Variants in FAM210A observed in about 807,000 individuals in gnomAD.
FAM210A encodes the protein family with sequence similarity 210 member A.
FAM210A carries 13 observed loss-of-function variants against 25.3 expected under a neutral mutation model. The ratio of observed to expected loss-of-function variants is 0.51; its 90% CI spans 0.33 to 0.82. The LOEUF is 0.82. FAM210A is among the 40% of genes least tolerant of loss of function. The pLI, the probability that FAM210A is intolerant of heterozygous loss-of-function variation, is 0.02. For synonymous variants in FAM210A, 125 were observed against 118.7 expected, an observed-to-expected ratio of 1.05 and a Z score of -0.35; for missense variants, 319 against 323.2, an observed-to-expected ratio of 0.99 and a Z score of 0.10.
chr18:13,689,872 T>A (rs1601952442), intron 1 of FAM210A, among the ~76,000 whole-genome samples: 1 of 152,024 alleles, frequency 6.6e-6, no homozygotes, highest in South Asian at 2.1e-4. Context: ...AGAAGACGGG[T>A]GATTTCTGCA....
At chr18:13,720,221 G>T (rs2043888040) in intron 1 of FAM210A, among the ~76,000 whole-genome samples, 1 of 152,126 alleles carries the variant, frequency 6.6e-6, no homozygotes, top group African/African-American at 2.4e-5. Flanking sequence ...CCTGCAAAAG[G>T]TTCCTAACAG....
intron 1 of FAM210A, among the ~76,000 whole-genome samples, chr18:13,713,725 A>AAACACACACACAC (rs1555791549): frequency 7.0e-6 from 1 of 141,898 alleles, no homozygotes; most frequent in East Asian, 2.1e-4. Flanking sequence ...GTCACTATAA[A>AAACACACACACAC]ACACACACAC....
At position 13,692,531 on chromosome 18, in the gene FAM210A, G is replaced by C. The variant is rs1399962788; in HGVS notation, c.-28-10426C>G. Among the ~76,000 whole-genome samples the C allele has an allele frequency of 2.6e-5, 4 of 152,274 alleles. No homozygotes were observed. The East Asian group carries it at 7.7e-4, about 29-fold the overall frequency. ...AAAGCACTCCTCAGCAAATGTAAAA[G>C]AACAGAAATTATAACAAACTGTCTC... On this transcript the variant is annotated intron_variant, in intron 1 of 3. Coordinates refer to ENST00000651643, the MANE Select transcript of FAM210A (RefSeq NM_152352.4).
chr18:13,694,656 C>T (rs367697899), intron 1 of FAM210A, among the ~76,000 whole-genome samples: 2 of 152,192 alleles, frequency 1.3e-5, no homozygotes, highest in Non-Finnish European at 2.9e-5. Context: ...GGAAAACTGG[C>T]TAGCCATATG....
chr18:13,685,617 T>C (rs533706006), intron 1 of FAM210A, among the ~76,000 whole-genome samples: 4 of 152,336 alleles, frequency 2.6e-5, no homozygotes, highest in African/African-American at 7.2e-5. Context: ...ATGACCCATA[T>C]GCCCCCACTT....
At chr18:13,692,785 G>A (rs917398331) in intron 1 of FAM210A, among the ~76,000 whole-genome samples, 3 of 152,182 alleles carry the variant, frequency 2.0e-5, no homozygotes, top group African/African-American at 7.2e-5. Context: ...ATGCCCACAA[G>A]AGAAAGCAGG....
intron 2 of FAM210A, among the ~76,000 whole-genome samples, chr18:13,672,189 C>T (rs755135032): frequency 5.3e-5 from 8 of 152,222 alleles, no homozygotes; most frequent in East Asian, 1.9e-4. Context: ...GGTATCTTAT[C>T]GCCTACAACT....
At position 13,666,501 on chromosome 18, in the gene FAM210A, G is replaced by A. The variant is rs377031591; in HGVS notation, c.798C>T (p.Ser266=). 79 of 1,613,344 alleles carry A rather than the reference G, an allele frequency of 4.9e-5. No homozygotes were observed. Among genetic ancestry groups the A allele is most frequent in the Non-Finnish European group, 6.3e-5 (74 of 1,179,772 alleles). ...EKLQETKEKV[S]FKKKVE ...CACCTTATTCCACTTTTTTCTTAAA[G>A]GAAACTTTTTCTTTGGTTTCTTGTA... is the stretch of plus-strand genomic sequence containing the variant. The change falls in exon 4 of 4, where the codon TCC becomes TCT. Residue 266 remains serine, a synonymous_variant. Transcript: ENST00000651643.
chr18:13,687,570 T>G (rs1399878004), intron 1 of FAM210A, among the ~76,000 whole-genome samples: 1 of 152,158 alleles, frequency 6.6e-6, no homozygotes, highest in Admixed American at 6.5e-5. Flanking sequence ...AAGCCTCAGA[T>G]GGACGTGCAT....
At chr18:13,682,887 T>C (rs1372692687) in intron 1 of FAM210A, among the ~76,000 whole-genome samples, 1 of 151,982 alleles carries the variant, frequency 6.6e-6, no homozygotes, top group Non-Finnish European at 1.5e-5. Flanking sequence ...AATAAAATAA[T>C]AAAAATCTCA....
At chr18:13,683,331 C>G (rs994093079) in intron 1 of FAM210A, among the ~76,000 whole-genome samples, 1 of 152,096 alleles carries the variant, frequency 6.6e-6, no homozygotes, top group Non-Finnish European at 1.5e-5. Flanking sequence ...CTTCCCCACC[C>G]CCATATCAAT....
intron 1 of FAM210A, among the ~76,000 whole-genome samples, chr18:13,716,986 C>T (rs558339621): frequency 6.6e-6 from 1 of 152,222 alleles, no homozygotes. Context: ...TGAACTGAGG[C>T]ACTGGAGTGT....
intron 1 of FAM210A, among the ~76,000 whole-genome samples, chr18:13,703,754 C>T (rs1364912074): frequency 6.6e-6 from 1 of 152,100 alleles, no homozygotes. Context: ...TAAAGAAAAA[C>T]AAGCACTTAA....
chr18:13,687,758 T>C (rs1240045145), intron 1 of FAM210A: 2 of 152,250 alleles, frequency 1.3e-5, no homozygotes, highest in East Asian at 1.9e-4. Context: ...ACATGCCCGC[T>C]TGGGTCTTTC....
chr18:13,705,654 T>C (rs1274192146), intron 1 of FAM210A, among the ~76,000 whole-genome samples: 1 of 152,110 alleles, frequency 6.6e-6, no homozygotes, highest in African/African-American at 2.4e-5. Context: ...GTCTTTTTAG[T>C]AGAGACAGGG....
intron 1 of FAM210A, among the ~76,000 whole-genome samples, chr18:13,698,747 T>C (rs1490266437): frequency 6.6e-6 from 1 of 152,116 alleles, no homozygotes. Context: ...ACAAGGAACA[T>C]CCTTGGCCAA....
chr18:13,703,521 T>A (rs2043756845), intron 1 of FAM210A, among the ~76,000 whole-genome samples: 1 of 152,306 alleles, frequency 6.6e-6, no homozygotes, highest in East Asian at 1.9e-4. Context: ...GGGGATCTGT[T>A]TTTGCCTTCC....
intron 1 of FAM210A, among the ~76,000 whole-genome samples, chr18:13,684,845 C>T (rs1040525474): frequency 3.3e-5 from 5 of 152,092 alleles, no homozygotes; most frequent in African/African-American, 1.2e-4. Flanking sequence ...AAATGAAAAT[C>T]ATGCAAAGTT....
intron 2 of FAM210A, among the ~76,000 whole-genome samples, chr18:13,678,481 G>T (rs2043523461): frequency 6.6e-6 from 1 of 151,978 alleles, no homozygotes; most frequent in Non-Finnish European, 1.5e-5. Flanking sequence ...GTAGAGATGG[G>T]GTTTCTCCAT....
Sources: allele counts gnomAD v4.1 joint callset (sites outside exome capture counted in the v4.1 genomes callset), GRCh38; gene constraint gnomAD v4.1.1; transcripts MANE v1.5; gene names NCBI Gene and HGNC (gene_info 2026-07-23, HGNC 2026-07-21).